TNRC6A: variants seen among roughly 807,000 people sequenced by gnomAD.
TNRC6A encodes trinucleotide repeat containing adaptor 6A.
TNRC6A carries 44 observed loss-of-function variants against 221.2 expected under a neutral mutation model. The observed-to-expected ratio is 0.20, with a 90% CI of 0.16 to 0.26. The LOEUF (loss-of-function observed/expected upper bound fraction) is 0.26, where lower values mean the gene tolerates loss of function less well. TNRC6A is among the 10% of genes least tolerant of loss of function. The pLI, the probability that TNRC6A is intolerant of heterozygous loss-of-function variation, is 1.00. For missense variants in TNRC6A, 2,199 were observed against 2,404.4 expected (o/e 0.91, Z 1.79); for synonymous variants, 847 against 838.5 (o/e 1.01, Z -0.18).
intron 1 of TNRC6A, among the ~76,000 whole-genome samples, chr16:24,631,982 C>T (rs1901366524): frequency 6.6e-6 from 1 of 151,896 alleles, no homozygotes; most frequent in African/African-American, 2.4e-5. Context: ...TCTCAGCCTC[C>T]TGAGTAGCTG....
At chr16:24,792,399 A>G (rs572390923) in intron 6 of TNRC6A, among the ~76,000 whole-genome samples, 4 of 152,156 alleles carry the variant, frequency 2.6e-5, no homozygotes, top group Admixed American at 2.6e-4. Flanking sequence ...GATTGGCTAC[A>G]TTGTCTTTGT....
chr16:24,677,282 C>A (rs1378868786), intron 2 of TNRC6A, among the ~76,000 whole-genome samples: 2 of 151,890 alleles, frequency 1.3e-5, no homozygotes, highest in African/African-American at 4.8e-5. Flanking sequence ...CATGCCTCAG[C>A]CTCCTGAGTA....
intron 2 of TNRC6A, among the ~76,000 whole-genome samples, chr16:24,686,744 C>T (rs2055633735): frequency 6.6e-6 from 1 of 152,170 alleles, no homozygotes; most frequent in Non-Finnish European, 1.5e-5. Flanking sequence ...GGTGCCGCGA[C>T]AGAGGCCTCT....
intron 1 of TNRC6A, among the ~76,000 whole-genome samples, chr16:24,632,761 C>A (rs1320211346): frequency 1.3e-5 from 2 of 152,066 alleles, no homozygotes; most frequent in Non-Finnish European, 2.9e-5. Context: ...GTAATCCCAG[C>A]ACTTTGGGAG....
chr16:24,737,584 CAG>C (rs553705963), intron 2 of TNRC6A, among the ~76,000 whole-genome samples: 208 of 152,292 alleles, frequency 1.4e-3, no homozygotes, highest in African/African-American at 4.8e-3. Flanking sequence ...ATGTTCAAAA[CAG>C]ATTGAAACCT....
In TNRC6A at chr16:24,789,799, G is replaced by T. The variant is rs533096563; in HGVS notation, c.1157G>T (p.Ser386Ile). The T allele has an allele frequency of 2.5e-6, 4 of 1,614,218 alleles. No individual in the cohort carries two copies. The African/African-American group carries it at 5.3e-5, about 22-fold the overall frequency. The change falls in exon 6 of 25, where the codon AGT (serine) becomes ATT (isoleucine). Residue 386 changes from serine (S) to isoleucine (I), a missense_variant. This residue lies in a region of TNRC6A where 1,405 missense variants were observed against 1,400.2 expected (regional missense o/e 1.00). Transcript: ENST00000395799. Reference sequence around the variant, plus strand: ...CTTGCCCTAAAAGGGCCTGTAGGGAGTGGTAGTTCTGGCATTAATATTCAG... The same window carrying T: ...CTTGCCCTAAAAGGGCCTGTAGGGATTGGTAGTTCTGGCATTAATATTCAG... ...NGLALKGPVG[S>I]GSSGINIQCS...
At chr16:24,764,146 T>TG (rs2057421515) in intron 4 of TNRC6A, among the ~76,000 whole-genome samples, 1 of 138,032 alleles carries the variant, frequency 7.2e-6, no homozygotes, top group Admixed American at 7.0e-5. Flanking sequence ...TGTATTTGAC[T>TG]GTTTTTTTTT....
chr16:24,777,714 G>A (rs1387329003), intron 5 of TNRC6A, among the ~76,000 whole-genome samples: 1 of 152,146 alleles, frequency 6.6e-6, no homozygotes, highest in Admixed American at 6.5e-5. Flanking sequence ...AACGTTGTGA[G>A]ACTGAGTTCT....
At chr16:24,710,879 A>ATT (rs545753446) in intron 2 of TNRC6A, among the ~76,000 whole-genome samples, 208 of 139,572 alleles carry the variant, frequency 1.5e-3, no homozygotes, top group Middle Eastern at 7.4e-3. Context: ...TGCCCGGCTA[A>ATT]TTTTTTTTTT....
At chr16:24,764,670 T>C (rs974155987) in intron 4 of TNRC6A, among the ~76,000 whole-genome samples, 1 of 152,164 alleles carries the variant, frequency 6.6e-6, no homozygotes, top group African/African-American at 2.4e-5. Flanking sequence ...TTTCCATATC[T>C]TGGCCATTGT....
intron 4 of TNRC6A, among the ~76,000 whole-genome samples, chr16:24,770,540 A>C (rs937712357): frequency 2.6e-5 from 4 of 152,188 alleles, no homozygotes; most frequent in Non-Finnish European, 5.9e-5. Context: ...GACTAGATAC[A>C]GGGGAGTAGG....
rs546746959 is a variant in TNRC6A at position 24,632,228 on chromosome 16, G to A, written n.277-8656G>A. On this transcript the variant is annotated intron_variant and non_coding_transcript_variant, in intron 1 of 2. Coordinates refer to the TNRC6A transcript ENST00000566108. ...ACACACTTCTCGTCTCCCATAACCA[G>A]CTACCTGCTGATCATCCCCCTGTGG... Among the ~76,000 whole-genome samples the A allele has an allele frequency of 2.6e-5, 4 of 152,196 alleles. No individual in the cohort carries two copies. The East Asian group carries it at 5.8e-4, about 22-fold the overall frequency.
chr16:24,779,805 T>C (rs878930048), intron 5 of TNRC6A, among the ~76,000 whole-genome samples: 3 of 152,124 alleles, frequency 2.0e-5, no homozygotes, highest in Admixed American at 2.0e-4. Context: ...GTTGGCTTGG[T>C]TTTTTGTTTT....
At chr16:24,642,039 T>A (rs1007046361) in intron 2 of TNRC6A, among the ~76,000 whole-genome samples, 6 of 152,158 alleles carry the variant, frequency 3.9e-5, no homozygotes, top group Admixed American at 6.6e-5. Context: ...GGGGAAGGAT[T>A]TTTCCAGGCA....
intron 2 of TNRC6A, among the ~76,000 whole-genome samples, chr16:24,665,598 T>C (rs937079569): frequency 1.3e-5 from 2 of 152,192 alleles, no homozygotes; most frequent in African/African-American, 4.8e-5. Flanking sequence ...ACATTTTGGG[T>C]AGGATAATTC....
At chr16:24,808,246 C>A (rs893855717) in intron 17 of TNRC6A, among the ~76,000 whole-genome samples, 1 of 152,224 alleles carries the variant, frequency 6.6e-6, no homozygotes, top group Non-Finnish European at 1.5e-5. Context: ...CACATAAGTT[C>A]TAAGCATAGG....
chr16:24,758,121 T>A (rs545638262), intron 3 of TNRC6A, among the ~76,000 whole-genome samples: 3 of 152,358 alleles, frequency 2.0e-5, no homozygotes, highest in African/African-American at 7.2e-5. Flanking sequence ...TTAGGTATTT[T>A]AAATTAATAA....
intron 2 of TNRC6A, among the ~76,000 whole-genome samples, chr16:24,670,642 C>T (rs1193810822): frequency 9.2e-5 from 14 of 152,142 alleles, no homozygotes; most frequent in Non-Finnish European, 1.5e-5. Flanking sequence ...TTGGCCCCAC[C>T]TGTGCCCTGC....
At chr16:24,692,900 G>T (rs891745355) in intron 2 of TNRC6A, among the ~76,000 whole-genome samples, 3 of 152,060 alleles carry the variant, frequency 2.0e-5, no homozygotes, top group African/African-American at 7.2e-5. Flanking sequence ...GTTCCTGTAG[G>T]CACTAGACAC....
Sources: gnomAD v4.1 joint callset for allele counts (sites outside exome capture counted in the v4.1 genomes callset) on GRCh38, gnomAD v4.1.1 for gene constraint, gnomAD v4.1.1 regional missense constraint, MANE v1.5 for transcripts, NCBI Gene and HGNC (gene_info 2026-07-23, HGNC 2026-07-21) for gene names.